HRH1: variants seen among roughly 807,000 people sequenced by gnomAD.
HRH1 encodes the protein histamine H1 receptor.
Under a neutral mutation model 10.3 loss-of-function variants are expected in HRH1, and 6 were observed. That is an observed-to-expected ratio of 0.58 (90% CI 0.32 to 1.15). HRH1 has a LOEUF of 1.15. Among genes scored for constraint, HRH1 ranks in the 50% most tolerant of loss-of-function variants. The pLI is 0.05. For missense variants in HRH1, 514 were observed against 615.3 expected (o/e 0.84, Z 1.74); for synonymous variants, 242 against 236.7 (o/e 1.02, Z -0.21).
intron 1 of HRH1, among the ~76,000 whole-genome samples, chr3:11,240,711 A>C (rs776988028): frequency 6.6e-6 from 1 of 152,210 alleles, no homozygotes; most frequent in Non-Finnish European, 1.5e-5. Context: ...GCATTTTGCT[A>C]TTTGCAGTCT....
intron 1 of HRH1, among the ~76,000 whole-genome samples, chr3:11,225,256 T>C (rs1368118307): frequency 6.6e-6 from 1 of 152,262 alleles, no homozygotes; most frequent in Non-Finnish European, 1.5e-5. Flanking sequence ...TCTGGATGCC[T>C]TCATTTCCTT....
intron 1 of HRH1, among the ~76,000 whole-genome samples, chr3:11,225,136 G>A (rs879911953): frequency 2.0e-5 from 3 of 152,188 alleles, no homozygotes; most frequent in Admixed American, 1.3e-4. Flanking sequence ...CTGAGGACTT[G>A]GGCCCCTGGA....
At chr3:11,165,306 C>G (rs747684960) in intron 1 of HRH1, among the ~76,000 whole-genome samples, 1 of 152,200 alleles carries the variant, frequency 6.6e-6, no homozygotes, top group Non-Finnish European at 1.5e-5. Flanking sequence ...TTGCAATCAT[C>G]CGTTAATTCC....
chr3:11,165,501 C>G (rs919178618), intron 1 of HRH1, among the ~76,000 whole-genome samples: 2 of 152,116 alleles, frequency 1.3e-5, no homozygotes, highest in Non-Finnish European at 2.9e-5. Flanking sequence ...AACACACACA[C>G]ACGCAAGAAG....
intron 1 of HRH1, among the ~76,000 whole-genome samples, chr3:11,240,452 G>T (rs1443609009): frequency 6.6e-6 from 1 of 151,924 alleles, no homozygotes; most frequent in Non-Finnish European, 1.5e-5. Flanking sequence ...CAGAGGACAG[G>T]CTCTCCAGGT....
chr3:11,185,356 G>A (rs1425581782), intron 1 of HRH1, among the ~76,000 whole-genome samples: 1 of 152,180 alleles, frequency 6.6e-6, no homozygotes, highest in Non-Finnish European at 1.5e-5. Flanking sequence ...AGCCTTCCCT[G>A]AATTTTCAAA....
chr3:11,223,723 G>A (rs969488643), intron 1 of HRH1, among the ~76,000 whole-genome samples: 2 of 152,136 alleles, frequency 1.3e-5, no homozygotes, highest in African/African-American at 2.4e-5. Flanking sequence ...CAGTAGTTGC[G>A]CTACCAAGAA....
intron 1 of HRH1, among the ~76,000 whole-genome samples, chr3:11,145,258 G>A (rs1295443861): frequency 4.6e-5 from 7 of 152,292 alleles, no homozygotes; most frequent in South Asian, 2.1e-4. Context: ...CTGTGGCTTC[G>A]TCGTTTTGTC....
At position 11,259,529 on chromosome 3, in the gene HRH1, CTGGAA is replaced by C; in HGVS notation, c.494_498del (p.Trp165SerfsTer15). The C allele has an allele frequency of 6.2e-7, 1 of 1,614,060 alleles. No homozygotes were observed. The highest frequency in any genetic ancestry group is 8.5e-7 in the Non-Finnish European group (1 of 1,180,022). On this transcript the variant is annotated frameshift_variant, in exon 2 of 2. Coordinates refer to ENST00000431010, the MANE Select transcript of HRH1 (RefSeq NM_001098212.2). LOFTEE classifies it low-confidence loss of function (END_TRUNC). This position sits in a 1 kb window ranked among gnomAD's most constrained non-coding sequence, Gnocchi z 4.6. ...TTCTGTGGGTTATTCCCATTCTAGG[CTGGAA>C]TCACTTCATGCAGCAGACCTCGGTG... is the stretch of plus-strand genomic sequence containing the variant.
intron 1 of HRH1, among the ~76,000 whole-genome samples, chr3:11,197,077 A>T (rs1937687198): frequency 1.3e-5 from 2 of 149,734 alleles, no homozygotes; most frequent in Non-Finnish European, 3.0e-5. Context: ...GTGAGCTGAG[A>T]TCGCGCCACT....
At chr3:11,152,112 C>G (rs1936643500), upstream of HRH1, among the ~76,000 whole-genome samples, 1 of 152,132 alleles carries the variant, frequency 6.6e-6, no homozygotes, top group Non-Finnish European at 1.5e-5. Context: ...TAGCTGTATA[C>G]TCTGAACAAA....
chr3:11,211,158 A>G (rs970003101), intron 1 of HRH1, among the ~76,000 whole-genome samples: 3 of 152,246 alleles, frequency 2.0e-5, no homozygotes, highest in Admixed American at 6.5e-5. Context: ...AGAAATAACA[A>G]GAGAAGGGCA....
At chr3:11,181,798 AT>A (rs2125017322) in intron 1 of HRH1, among the ~76,000 whole-genome samples, 1 of 151,746 alleles carries the variant, frequency 6.6e-6, no homozygotes. Context: ...CGCCCAGCTA[AT>A]TTTTTGTATT....
intron 1 of HRH1, among the ~76,000 whole-genome samples, chr3:11,139,509 A>C (rs1936251900): frequency 6.6e-6 from 1 of 151,300 alleles, no homozygotes; most frequent in African/African-American, 2.4e-5. Flanking sequence ...AGAACTCCTG[A>C]CCTCAGGTGA....
intron 1 of HRH1, among the ~76,000 whole-genome samples, chr3:11,186,043 C>T (rs1937446618): frequency 6.6e-6 from 1 of 152,148 alleles, no homozygotes; most frequent in Non-Finnish European, 1.5e-5. Context: ...CCGAGAATTC[C>T]CTTGCTCCTC....
chr3:11,179,049 A>G (rs1280452636), intron 1 of HRH1, among the ~76,000 whole-genome samples: 1 of 152,226 alleles, frequency 6.6e-6, no homozygotes. Context: ...GCACTTTGGG[A>G]GGCCAAGGCA....
chr3:11,187,599 T>C (rs3898833), intron 1 of HRH1, among the ~76,000 whole-genome samples: 29,958 of 152,114 alleles, frequency 0.2, 3,326 homozygotes, highest in Admixed American at 0.32. Flanking sequence ...GTCCTGCACA[T>C]GCTGTAGCAA....
chr3:11,143,631 C>G (rs925900625), intron 1 of HRH1, among the ~76,000 whole-genome samples: 7 of 152,286 alleles, frequency 4.6e-5, no homozygotes, highest in Admixed American at 2.6e-4. Flanking sequence ...TGGTCTAACC[C>G]CTCCAGTCTC....
chr3:11,181,619 C>A (rs1454788066), intron 1 of HRH1, among the ~76,000 whole-genome samples: 3 of 149,560 alleles, frequency 2.0e-5, no homozygotes, highest in Non-Finnish European at 3.0e-5. Flanking sequence ...CTATTCAGAT[C>A]CCTTGCTCTT....
Sources: allele counts gnomAD v4.1 joint callset (sites outside exome capture counted in the v4.1 genomes callset), GRCh38; gene constraint gnomAD v4.1.1; non-coding constraint Gnocchi (gnomAD v3.1); transcripts MANE v1.5; gene names NCBI Gene and HGNC (gene_info 2026-07-23, HGNC 2026-07-21).